Variants in TRABD2B observed in about 807,000 individuals in gnomAD.
TRABD2B encodes the protein TraB domain containing 2B.
Under a neutral mutation model 40.1 loss-of-function variants are expected in TRABD2B, and 14 were observed. The ratio of observed to expected loss-of-function variants is 0.35; its 90% confidence interval spans 0.23 to 0.55. The LOEUF is 0.55. Among genes scored for constraint, TRABD2B ranks in the 20% least tolerant of loss-of-function variants. The probability of loss-of-function intolerance (pLI) is 0.90; values close to 1 mark genes in which losing one functional copy is unlikely to be tolerated. For missense variants in TRABD2B, 541 were observed against 648.6 expected (o/e 0.83, Z 1.80); for synonymous variants, 263 against 277.0 (o/e 0.95, Z 0.50).
intron 2 of TRABD2B, among the ~76,000 whole-genome samples, chr1:47,952,546 G>T (rs1468828948): frequency 6.6e-6 from 1 of 152,158 alleles, no homozygotes; most frequent in Non-Finnish European, 1.5e-5. Flanking sequence ...TCTGCTCTTT[G>T]TATGGCAGTT....
At chr1:47,968,346 C>T (rs1221872386) in intron 2 of TRABD2B, among the ~76,000 whole-genome samples, 1 of 152,198 alleles carries the variant, frequency 6.6e-6, no homozygotes, top group African/African-American at 2.4e-5. Flanking sequence ...ACGACAACCA[C>T]TATGGTTTTA....
chr1:47,893,120 G>C (rs543807989), intron 2 of TRABD2B, among the ~76,000 whole-genome samples: 1 of 152,252 alleles, frequency 6.6e-6, no homozygotes. Flanking sequence ...CCCCTCAGCT[G>C]GTGGGTGTGT....
At chr1:47,766,749 G>A (rs1188941372) in intron 6 of TRABD2B, among the ~76,000 whole-genome samples, 1 of 152,192 alleles carries the variant, frequency 6.6e-6, no homozygotes, top group African/African-American at 2.4e-5. Context: ...GAGGAAAGTG[G>A]GAGTGGGACG....
At chr1:47,970,768 A>G (rs11584576) in intron 2 of TRABD2B, among the ~76,000 whole-genome samples, 3,731 of 152,126 alleles carry the variant, frequency 0.025, 114 homozygotes, top group Admixed American at 0.088. Context: ...GCATTCTGGG[A>G]CCCAGGCTGA....
chr1:47,867,806 C>T (rs1178031879), intron 2 of TRABD2B, among the ~76,000 whole-genome samples: 1 of 152,158 alleles, frequency 6.6e-6, no homozygotes, highest in Non-Finnish European at 1.5e-5. Context: ...ATGAAATGTG[C>T]TATTTTAAAA....
chr1:47,930,890 G>A (rs1215485373), intron 2 of TRABD2B, among the ~76,000 whole-genome samples: 2 of 152,158 alleles, frequency 1.3e-5, no homozygotes, highest in East Asian at 1.9e-4. Context: ...CCCCACAGCT[G>A]TTGATTCTCC....
chr1:47,955,554 T>C (rs1645407506), intron 2 of TRABD2B, among the ~76,000 whole-genome samples: 1 of 152,096 alleles, frequency 6.6e-6, no homozygotes, highest in African/African-American at 2.4e-5. Context: ...ATCACTTCAT[T>C]CCAAACACAC....
intron 2 of TRABD2B, among the ~76,000 whole-genome samples, chr1:47,991,105 G>T (rs1055379784): frequency 6.6e-6 from 1 of 151,980 alleles, no homozygotes; most frequent in Non-Finnish European, 1.5e-5. Context: ...ACAGGAGGAA[G>T]TCTAGAGAAA....
intron 2 of TRABD2B, among the ~76,000 whole-genome samples, chr1:47,950,814 C>T (rs759165519): frequency 6.6e-6 from 1 of 152,206 alleles, no homozygotes; most frequent in Non-Finnish European, 1.5e-5. Context: ...CTTGGCAAGT[C>T]GCTCAGCCCC....
intron 2 of TRABD2B, among the ~76,000 whole-genome samples, chr1:47,963,331 CCAGGTTA>C (rs767728421): frequency 2.0e-5 from 3 of 152,186 alleles, no homozygotes; most frequent in Admixed American, 2.0e-4. Context: ...AGCCCCATCC[CCAGGTTA>C]CAGGTGGTGA....
chr1:47,923,959 CACACACACA>C (rs1644938022), intron 2 of TRABD2B, among the ~76,000 whole-genome samples: 1 of 132,978 alleles, frequency 7.5e-6, no homozygotes, highest in South Asian at 2.4e-4. Flanking sequence ...CACACACACA[CACACACACA>C]CATCCTATTA....
chr1:47,976,922 C>T (rs1248922886), intron 2 of TRABD2B, among the ~76,000 whole-genome samples: 1 of 152,120 alleles, frequency 6.6e-6, no homozygotes, highest in African/African-American at 2.4e-5. Flanking sequence ...TAACACCTTA[C>T]ATAACTATAG....
chr1:47,874,421 C>G (rs12403424), intron 2 of TRABD2B, among the ~76,000 whole-genome samples: 9 of 145,764 alleles, frequency 6.2e-5, no homozygotes, highest in Non-Finnish European at 6.1e-5. Flanking sequence ...TACAGGCGCC[C>G]GCCACCGCGC....
At chr1:47,943,073 A>G (rs944725964) in intron 2 of TRABD2B, among the ~76,000 whole-genome samples, 2 of 152,214 alleles carry the variant, frequency 1.3e-5, no homozygotes, top group African/African-American at 4.8e-5. Flanking sequence ...CTGAGCCTTT[A>G]GAAAAGTTTC....
At chr1:47,895,872 G>C (rs980020832) in intron 2 of TRABD2B, among the ~76,000 whole-genome samples, 2 of 152,202 alleles carry the variant, frequency 1.3e-5, no homozygotes, top group Non-Finnish European at 2.9e-5. Context: ...CTGCCTCCTC[G>C]TACTAGTGTT....
chr1:47,996,287 G>A lies in TRABD2B; in HGVS notation c.102+401C>T, dbSNP rs1419472894. ...AGAGTGTGTGAATGGGAGAGCAAAA[G>A]GGTTCGATGGAAGTCAAGAGAAGGG... On this transcript the variant is annotated intron_variant, in intron 1 of 6. Transcript: ENST00000606738. The surrounding 1 kb of genome is among the most constrained non-coding windows in gnomAD (Gnocchi z 4.6). Among the ~76,000 whole-genome samples, 1 of 152,108 alleles carries A rather than the reference G, an allele frequency of 6.6e-6. No individual in the cohort carries two copies. The highest frequency in any genetic ancestry group is 1.5e-5 in the Non-Finnish European group (1 of 68,012).
At chr1:47,990,788 T>G (rs1486753519) in intron 2 of TRABD2B, among the ~76,000 whole-genome samples, 3 of 22,026 alleles carry the variant, frequency 1.4e-4, no homozygotes, top group Non-Finnish European at 8.0e-5. Flanking sequence ...TATATATATA[T>G]ATATATATAT....
At chr1:47,965,144 C>T (rs953116661) in intron 2 of TRABD2B, among the ~76,000 whole-genome samples, 7 of 143,092 alleles carry the variant, frequency 4.9e-5, no homozygotes, top group Admixed American at 3.7e-4. Flanking sequence ...GACCAGGTTG[C>T]GGTTTCAACC....
intron 2 of TRABD2B, among the ~76,000 whole-genome samples, chr1:47,805,565 A>G (rs1256200892): frequency 2.0e-5 from 3 of 152,062 alleles, no homozygotes; most frequent in African/African-American, 4.8e-5. Context: ...CTGAATCCCA[A>G]TGTCTCCATT....
Sources: gnomAD v4.1 joint callset for allele counts (sites outside exome capture counted in the v4.1 genomes callset) on GRCh38, gnomAD v4.1.1 for gene constraint, Gnocchi (gnomAD v3.1) non-coding constraint, MANE v1.5 for transcripts, NCBI Gene and HGNC (gene_info 2026-07-23, HGNC 2026-07-21) for gene names.